RHPN2: variants seen among roughly 807,000 people sequenced by gnomAD.
RHPN2 encodes rhophilin Rho GTPase binding protein 2.
Under a neutral mutation model 79.0 loss-of-function variants are expected in RHPN2, and 40 were observed. The observed-to-expected ratio is 0.51, with a 90% confidence interval of 0.39 to 0.66. The LOEUF (loss-of-function observed/expected upper bound fraction) is 0.66. Among genes scored for constraint, RHPN2 ranks in the 30% least tolerant of loss-of-function variants. The pLI is 0.00. For missense variants in RHPN2, 686 were observed against 883.5 expected, an observed-to-expected ratio of 0.78 and a Z score of 2.83; for synonymous variants, 285 against 363.5, an observed-to-expected ratio of 0.78 and a Z score of 2.46.
chr19:33,017,435 A>G (rs978161280), intron 4 of RHPN2, among the ~76,000 whole-genome samples: 1 of 152,138 alleles, frequency 6.6e-6, no homozygotes, highest in Non-Finnish European at 1.5e-5. Flanking sequence ...ATTAAATCGT[A>G]AAGAAACTTC....
chr19:33,029,182 C>T (rs1971990369), intron 2 of RHPN2, among the ~76,000 whole-genome samples: 1 of 151,684 alleles, frequency 6.6e-6, no homozygotes, highest in African/African-American at 2.4e-5. Flanking sequence ...AAGCCATAGT[C>T]ATCAAGATAG....
intron 1 of RHPN2, among the ~76,000 whole-genome samples, chr19:33,046,459 G>T (rs1312753560): frequency 6.6e-6 from 1 of 151,812 alleles, no homozygotes; most frequent in Non-Finnish European, 1.5e-5. Flanking sequence ...AGAGAGGCGG[G>T]TTTCATGATG....
At chr19:32,983,564 C>G (rs1971593751) in intron 14 of RHPN2, among the ~76,000 whole-genome samples, 2 of 151,116 alleles carry the variant, frequency 1.3e-5, no homozygotes. Flanking sequence ...CAGGTCCACC[C>G]CAGTATCATA....
chr19:32,993,852 G>T, intron 12 of RHPN2, 125 bp downstream of exon 12: 1 of 749,308 alleles, frequency 1.3e-6, no homozygotes, highest in Non-Finnish European at 2.4e-6. Flanking sequence ...ATATATTTCT[G>T]CTGTCATAAG....
At position 33,010,355 on chromosome 19, in the gene RHPN2, C is replaced by A. The variant is rs182977357; in HGVS notation, c.593+1324G>T. 6.0e-3 allele frequency among the ~76,000 whole-genome samples: 909 copies of A among 150,748 alleles called. 16 individuals carry two copies. Among genetic ancestry groups the A allele is most frequent in the Middle Eastern group, 0.045 (13 of 290 alleles). On this transcript the variant is annotated intron_variant, in intron 6 of 14. Coordinates refer to ENST00000254260, the MANE Select transcript of RHPN2 (RefSeq NM_033103.5). ...CCTAACGACACTCAGAGAAGGGGTG[C>A]AGCATCTCCAAAGTACTTTTTTTTA...
At position 33,002,256 on chromosome 19, in the gene RHPN2, C is replaced by T. The variant is rs1342574313; in HGVS notation, c.1096G>A (p.Asp366Asn). ...AHYFTAILLI[D>N]HQVKPGTDLD... ...ACCCCCCAGGCCTTACCCTGGTGGT[C>T]GATGAGGAGGATGGCAGTGAAGTAG... The change falls in exon 9 of 15, where the codon GAC (aspartate) becomes AAC (asparagine). Residue 366 changes from aspartate (D) to asparagine (N), a missense_variant. Asp to Asn is a conservative substitution (Grantham distance 23, BLOSUM62 1). Coordinates refer to ENST00000254260, the MANE Select transcript of RHPN2 (RefSeq NM_033103.5). 15 of 1,613,028 alleles carry T rather than the reference C, an allele frequency of 9.3e-6. 1 individual carries two copies. Among genetic ancestry groups the T allele is most frequent in the South Asian group, 6.6e-5 (6 of 91,000 alleles).
chr19:33,008,248 T>C, intron 6 of RHPN2, 68 bp from the exon 7 acceptor site: 1 of 1,464,890 alleles, frequency 6.8e-7, no homozygotes. Context: ...GTGGAAAAAA[T>C]TCTTTTTTTT....
chr19:32,987,815 T>A (rs1179441128), intron 14 of RHPN2, among the ~76,000 whole-genome samples: 2 of 152,146 alleles, frequency 1.3e-5, no homozygotes, highest in East Asian at 3.9e-4. Context: ...GCTAATAGCA[T>A]CTGGAACATT....
Position 32,990,422 on chromosome 19 carries a change from G to A in RHPN2, c.1800+92C>T, listed in dbSNP as rs892763523. 2.3e-6 allele frequency: 3 copies of A among 1,326,328 alleles called. No individual in the cohort carries two copies. In the Admixed American group the frequency reaches 5.1e-5, roughly 22 times the overall value. 82.2% of individuals were successfully genotyped at this position (1,326,328 alleles called of 1,614,324 possible). On this transcript the variant is annotated intron_variant, in intron 14 of 14. Coordinates refer to ENST00000254260, the MANE Select transcript of RHPN2 (RefSeq NM_033103.5). ...TTTGTACCATGTTACACAGGCAGGA[G>A]ACAGAGGGTCTGGTAAACACCTCTG... is the stretch of plus-strand genomic sequence containing the variant.
chr19:33,023,302 A>G (rs11882661), intron 3 of RHPN2, among the ~76,000 whole-genome samples: 76,327 of 151,488 alleles, frequency 0.5, 23,896 homozygotes, highest in African/African-American at 0.86. Context: ...GGGCATGGTG[A>G]TGTGTGCCTG....
At chr19:33,003,586 A>G (rs544480758) in intron 7 of RHPN2, among the ~76,000 whole-genome samples, 36 of 152,280 alleles carry the variant, frequency 2.4e-4, no homozygotes, top group Admixed American at 1.0e-3. Flanking sequence ...CCAGACGTCC[A>G]TGAGCAGATG....
chr19:33,057,675 C>CAA (rs1387288106), intron 1 of RHPN2, among the ~76,000 whole-genome samples: 3 of 68,590 alleles, frequency 4.4e-5, no homozygotes, highest in African/African-American at 1.3e-4. Context: ...AACTCCATCT[C>CAA]AAAAAAAAAA....
At chr19:32,990,489 T>G (rs745946539) in intron 14 of RHPN2, 25 bp downstream of exon 14, 1 of 1,613,432 alleles carries the variant, frequency 6.2e-7, no homozygotes, top group Non-Finnish European at 8.5e-7. Context: ...CACCACTGAC[T>G]GCCCAGGGAG....
intron 1 of RHPN2, among the ~76,000 whole-genome samples, chr19:33,046,917 G>A (rs1430975236): frequency 6.6e-6 from 1 of 151,964 alleles, no homozygotes; most frequent in Admixed American, 6.6e-5. Context: ...TGCTGCAGTG[G>A]TATGATCTTG....
intron 4 of RHPN2, among the ~76,000 whole-genome samples, chr19:33,014,807 G>A (rs1413211075): frequency 6.6e-6 from 1 of 152,080 alleles, no homozygotes; most frequent in Non-Finnish European, 1.5e-5. Context: ...GTGGTTAAAA[G>A]GGGTCAGGTG....
intron 2 of RHPN2, among the ~76,000 whole-genome samples, chr19:33,043,053 T>C (rs1665127391): frequency 6.8e-6 from 1 of 147,440 alleles, no homozygotes; most frequent in African/African-American, 2.6e-5. Context: ...CACTCTAGCC[T>C]GGGTGACAGA....
At chr19:32,981,577 A>G (rs1425325552) in intron 14 of RHPN2, among the ~76,000 whole-genome samples, 2 of 151,496 alleles carry the variant, frequency 1.3e-5, no homozygotes, top group Non-Finnish European at 2.9e-5. Context: ...AAGGCCCTCC[A>G]TGTTATACTT....
intron 1 of RHPN2, among the ~76,000 whole-genome samples, chr19:33,060,249 G>A (rs535047776): frequency 1.4e-4 from 21 of 151,966 alleles, no homozygotes; most frequent in African/African-American, 3.9e-4. Flanking sequence ...CAGGCTCAGC[G>A]ATCCTGCTGC....
chr19:33,036,041 C>T (rs745332676), intron 2 of RHPN2, among the ~76,000 whole-genome samples: 11 of 150,598 alleles, frequency 7.3e-5, no homozygotes, highest in East Asian at 2.0e-4. Flanking sequence ...GGCATGAACC[C>T]GGGAGGCAGA....
Sources: gnomAD v4.1 joint callset for allele counts (sites outside exome capture counted in the v4.1 genomes callset) on GRCh38, gnomAD v4.1.1 for gene constraint, MANE v1.5 for transcripts, NCBI Gene and HGNC (gene_info 2026-07-23, HGNC 2026-07-21) for gene names.